Variants in SOX5 observed in about 807,000 individuals in gnomAD.
The protein encoded by SOX5 is transcription factor SOX-5.
SOX5 carries 9 observed loss-of-function variants against 92.0 expected under a neutral mutation model. The ratio of observed to expected loss-of-function variants is 0.10; its 90% confidence interval spans 0.06 to 0.17. The LOEUF is 0.17. SOX5 is among the 10% of genes least tolerant of loss of function. The pLI is 1.00. For missense variants in SOX5, 642 were observed against 944.5 expected (o/e 0.68, Z 4.20); for synonymous variants, 344 against 336.3 (o/e 1.02, Z -0.25).
At chr12:24,407,058 G>C (rs1042095512) in intron 1 of SOX5, among the ~76,000 whole-genome samples, 5 of 151,976 alleles carry the variant, frequency 3.3e-5, no homozygotes, top group Non-Finnish European at 7.4e-5. Context: ...CATAACACAG[G>C]AGCTGCTGAA....
At position 23,531,947 on chromosome 12, in the gene SOX5, A is replaced by G. The variant is rs1939186858; in HGVS notation, c.*2272T>C. 1 of 150,576 alleles carries G rather than the reference A, an allele frequency of 6.6e-6. No individual in the cohort carries two copies. Among genetic ancestry groups the G allele is most frequent in the South Asian group, 2.1e-4 (1 of 4,802 alleles). The allele number at this position is 150,576 out of a possible 1,614,324, so 9.3% of individuals were successfully genotyped here. A position where few individuals can be genotyped will look rare whatever the true frequency, so the allele number is the denominator to read the frequency against. ...TATATATATGTATATATATATATAC[A>G]TATACATACATATATGAGTTGGAGA... On this transcript the variant is annotated 3_prime_UTR_variant, in exon 15 of 15. Transcript: ENST00000451604.
intron 1 of SOX5, among the ~76,000 whole-genome samples, chr12:24,484,040 A>G (rs769323818): frequency 2.0e-5 from 3 of 152,210 alleles, no homozygotes; most frequent in Non-Finnish European, 4.4e-5. Context: ...AGAAATTTGC[A>G]ACGTTTATAT....
intron 4 of SOX5, among the ~76,000 whole-genome samples, chr12:24,010,855 C>T (rs1166078405): frequency 6.6e-6 from 1 of 151,884 alleles, no homozygotes. Context: ...CCAAGAATTG[C>T]TTGAACCTGG....
intron 4 of SOX5, among the ~76,000 whole-genome samples, chr12:23,996,887 G>A (rs951239905): frequency 3.3e-5 from 5 of 152,054 alleles, no homozygotes; most frequent in Admixed American, 2.6e-4. Context: ...AAACTATTTC[G>A]GAACTACACA....
chr12:24,423,929 G>C (rs1173745027), intron 1 of SOX5, among the ~76,000 whole-genome samples: 2 of 152,184 alleles, frequency 1.3e-5, no homozygotes, highest in Admixed American at 1.3e-4. Context: ...GGAACGAGGA[G>C]ATAAGGGCCC....
intron 2 of SOX5, among the ~76,000 whole-genome samples, chr12:23,894,486 C>CA: frequency 6.6e-6 from 1 of 152,208 alleles, no homozygotes; most frequent in East Asian, 1.9e-4. Context: ...CTTGGCCTCC[C>CA]AAAGTGCTGG....
At chr12:24,476,114 C>A (rs1445056876) in intron 1 of SOX5, among the ~76,000 whole-genome samples, 4 of 152,126 alleles carry the variant, frequency 2.6e-5, no homozygotes, top group Non-Finnish European at 5.9e-5. Flanking sequence ...GTGTGGGGAC[C>A]ACTGTCCCTT....
intron 1 of SOX5, among the ~76,000 whole-genome samples, chr12:24,376,764 T>C (rs1385272765): frequency 2.2e-5 from 3 of 136,720 alleles, no homozygotes; most frequent in Admixed American, 8.4e-5. Flanking sequence ...TGGAGTATAG[T>C]GGTGCAATTA....
At chr12:23,940,745 T>TACAC (rs36124621) in intron 1 of SOX5, among the ~76,000 whole-genome samples, 11,833 of 139,636 alleles carry the variant, frequency 0.085, 711 homozygotes, top group African/African-American at 0.18. Context: ...AGATAAGTAT[T>TACAC]ACACACACAC....
intron 2 of SOX5, among the ~76,000 whole-genome samples, chr12:23,857,855 C>T (rs1341089759): frequency 6.6e-6 from 1 of 151,978 alleles, no homozygotes; most frequent in East Asian, 1.9e-4. Flanking sequence ...GCCTCAGCCT[C>T]CTGAGTAGGT....
At chr12:24,009,687 G>A (rs1441328067) in intron 4 of SOX5, among the ~76,000 whole-genome samples, 1 of 152,146 alleles carries the variant, frequency 6.6e-6, no homozygotes, top group Non-Finnish European at 1.5e-5. Flanking sequence ...AAGCCAAAAA[G>A]AAAATGGAAG....
chr12:23,670,990 C>G (rs1300965133), intron 6 of SOX5, among the ~76,000 whole-genome samples: 1 of 152,014 alleles, frequency 6.6e-6, no homozygotes, highest in Admixed American at 6.6e-5. Flanking sequence ...TGGAGGACTT[C>G]AGCAAAGACA....
chr12:23,554,943 T>C (rs1944874429), intron 11 of SOX5, among the ~76,000 whole-genome samples: 1 of 152,084 alleles, frequency 6.6e-6, no homozygotes, highest in Non-Finnish European at 1.5e-5. Context: ...TGTTTGATCT[T>C]GAGGAGAAGA....
At chr12:23,698,895 T>C (rs2090245733) in intron 6 of SOX5, among the ~76,000 whole-genome samples, 1 of 152,190 alleles carries the variant, frequency 6.6e-6, no homozygotes. Flanking sequence ...TTCCTGAAGA[T>C]ACAACCCTAC....
At chr12:23,613,300 G>T (rs2076177580) in intron 8 of SOX5, among the ~76,000 whole-genome samples, 1 of 151,204 alleles carries the variant, frequency 6.6e-6, no homozygotes, top group African/African-American at 2.4e-5. Flanking sequence ...AAGAGATACT[G>T]CTTCACACCC....
chr12:24,238,127 T>C (rs1336345470), intron 3 of SOX5, among the ~76,000 whole-genome samples: 4 of 152,192 alleles, frequency 2.6e-5, no homozygotes, highest in Non-Finnish European at 5.9e-5. Context: ...GAATTTTGTA[T>C]AATAAAGGGC....
chr12:24,106,122 A>G (rs1946635874), intron 4 of SOX5, among the ~76,000 whole-genome samples: 2 of 152,118 alleles, frequency 1.3e-5, no homozygotes, highest in Non-Finnish European at 2.9e-5. Flanking sequence ...AATGTTACAA[A>G]ATGAAAAGAC....
At chr12:23,749,563 A>G (rs2141136299) in intron 4 of SOX5, among the ~76,000 whole-genome samples, 1 of 152,000 alleles carries the variant, frequency 6.6e-6, no homozygotes, top group African/African-American at 2.4e-5. Flanking sequence ...CCCACGGTAG[A>G]TGTTTTGTTT....
chr12:23,802,763 G>C (rs1432952326), intron 3 of SOX5, among the ~76,000 whole-genome samples: 1 of 151,976 alleles, frequency 6.6e-6, no homozygotes, highest in African/African-American at 2.4e-5. Context: ...TGTCATATTA[G>C]GTAAAAGTGG....
Sources: gnomAD v4.1 joint callset for allele counts (sites outside exome capture counted in the v4.1 genomes callset) on GRCh38, gnomAD v4.1.1 for gene constraint, MANE v1.5 for transcripts, NCBI Gene and HGNC (gene_info 2026-07-23, HGNC 2026-07-21) for gene names.